Variants in CEP128 observed in about 807,000 individuals in gnomAD.
CEP128 encodes centrosomal protein 128.
In CEP128, 132 loss-of-function variants were observed where a neutral mutation model predicts 156.7. The ratio of observed to expected loss-of-function variants is 0.84; its 90% CI spans 0.73 to 0.97. The LOEUF (loss-of-function observed/expected upper bound fraction) is 0.97. CEP128 is among the 50% of genes least tolerant of loss of function. The pLI, the probability that CEP128 is intolerant of heterozygous loss-of-function variation, is 0.00. For missense variants in CEP128, 1,252 were observed against 1,281.9 expected, an observed-to-expected ratio of 0.98 and a Z score of 0.36; for synonymous variants, 469 against 448.9, an observed-to-expected ratio of 1.04 and a Z score of -0.57.
chr14:80,792,384 G>A (rs1250408552), intron 14 of CEP128, among the ~76,000 whole-genome samples: 3 of 152,026 alleles, frequency 2.0e-5, no homozygotes, highest in African/African-American at 7.2e-5. Flanking sequence ...ATAAATAAAT[G>A]AGATTTTAAA....
chr14:80,838,769 T>G (rs1262890496), intron 10 of CEP128, among the ~76,000 whole-genome samples: 1 of 152,188 alleles, frequency 6.6e-6, no homozygotes, highest in Non-Finnish European at 1.5e-5. Context: ...TTCCTAATAT[T>G]TCTAATATTT....
chr14:80,945,565 C>T (rs752140550), upstream of CEP128: 4 of 152,194 alleles, frequency 2.6e-5, no homozygotes, highest in Non-Finnish European at 5.9e-5. Flanking sequence ...CTACCTGTCT[C>T]ACCATGGCTG....
At chr14:80,794,095 T>G (rs1482364739) in intron 13 of CEP128, among the ~76,000 whole-genome samples, 1 of 152,160 alleles carries the variant, frequency 6.6e-6, no homozygotes, top group Non-Finnish European at 1.5e-5. Flanking sequence ...AAAGGTCATG[T>G]GTCCGAATAA....
intron 19 of CEP128, among the ~76,000 whole-genome samples, chr14:80,684,275 C>T (rs899254304): frequency 5.9e-5 from 9 of 152,012 alleles, no homozygotes; most frequent in Non-Finnish European, 1.0e-4. Flanking sequence ...TACAGCCATT[C>T]TCACAGAAAT....
upstream of CEP128, among the ~76,000 whole-genome samples, chr14:80,945,011 C>A (rs191582732): frequency 6.6e-6 from 1 of 152,000 alleles, no homozygotes; most frequent in Non-Finnish European, 1.5e-5. Context: ...CAGATAGGGG[C>A]ACACAGAGGT....
At chr14:80,618,490 A>G (rs1349073896) in intron 19 of CEP128, among the ~76,000 whole-genome samples, 22 of 152,236 alleles carry the variant, frequency 1.4e-4, no homozygotes, top group Admixed American at 1.4e-3. Flanking sequence ...AAACAAATAC[A>G]TAGTTGAATT....
intron 19 of CEP128, among the ~76,000 whole-genome samples, chr14:80,715,148 G>A (rs981950641): frequency 6.6e-6 from 1 of 151,932 alleles, no homozygotes; most frequent in South Asian, 2.1e-4. Flanking sequence ...ACCTGAGCCT[G>A]TCAGGTCAAG....
chr14:80,515,756 G>C (rs1320467301), intron 23 of CEP128, among the ~76,000 whole-genome samples: 1 of 152,170 alleles, frequency 6.6e-6, no homozygotes, highest in Non-Finnish European at 1.5e-5. Flanking sequence ...TCCTCAAGCA[G>C]GAAAAGTCTT....
At chr14:80,521,659 G>GT (rs1317019309) in intron 23 of CEP128, among the ~76,000 whole-genome samples, 7 of 152,198 alleles carry the variant, frequency 4.6e-5, no homozygotes, top group Non-Finnish European at 1.0e-4. Flanking sequence ...AATGTGTCAT[G>GT]TAAGCATTAC....
At chr14:80,537,182 T>A (rs191071718) in intron 21 of CEP128, among the ~76,000 whole-genome samples, 67 of 152,316 alleles carry the variant, frequency 4.4e-4, no homozygotes, top group African/African-American at 1.5e-3. Flanking sequence ...TATTTTTTTT[T>A]AAGAGAGGAA....
chr14:80,625,800 T>A (rs1893689853), intron 19 of CEP128, among the ~76,000 whole-genome samples: 1 of 151,868 alleles, frequency 6.6e-6, no homozygotes, highest in Non-Finnish European at 1.5e-5. Flanking sequence ...TTCCTCTTTT[T>A]CTTTTTTCTT....
In CEP128 at chr14:80,491,414, G is replaced by C. The variant is rs137960886; in HGVS notation, c.*11-692C>G. On this transcript the variant is annotated intron_variant, in intron 6 of 6. Coordinates refer to the CEP128 transcript ENST00000556061. Reference sequence around the variant, plus strand: ...TGCATCTATTTTACTCAGGCCAGAGGGGGGGAAAAAGAAAGAAAGAAAAAG... The same window carrying C: ...TGCATCTATTTTACTCAGGCCAGAGCGGGGGAAAAAGAAAGAAAGAAAAAG... Among the ~76,000 whole-genome samples the C allele has an allele frequency of 5.0e-3, 755 of 152,176 alleles. 5 individuals carry two copies. The highest frequency in any genetic ancestry group is 0.016 in the African/African-American group (660 of 41,526).
In CEP128 at chr14:80,642,089, C is replaced by CAAAAAAAA. The variant is rs71103870; in HGVS notation, c.2807-61674_2807-61667dup. Among the ~76,000 whole-genome samples the CAAAAAAAA allele has an allele frequency of 1.6e-4, 15 of 91,512 alleles. 2 individuals are homozygous for CAAAAAAAA. The highest frequency in any genetic ancestry group is 7.7e-4 in the South Asian group (2 of 2,608). 60.0% of individuals were successfully genotyped at this position (91,512 alleles called of 152,430 possible). A position where few individuals can be genotyped will look rare whatever the true frequency, so the allele number is the denominator to read the frequency against. ...TGGGCGACAGAGTGAGACTCCGTTT[C>CAAAAAAAA]AAAAAAAAAAAAGAAGAGAGAGACA... On this transcript the variant is annotated intron_variant, in intron 19 of 24. Transcript: ENST00000555265.
rs117743967 is a variant in CEP128 at position 80,767,765 on chromosome 14, T to C, written c.2377-6152A>G. On this transcript the variant is annotated intron_variant, in intron 16 of 24. Coordinates refer to ENST00000555265, the MANE Select transcript of CEP128 (RefSeq NM_152446.5). The stretch of plus-strand genomic sequence containing the variant: ...GCATGTGAGAGCCTTAGTAAAACAA[T>C]AGAGCTAATAGAAAAAAGGAATGGC... Among the ~76,000 whole-genome samples, 1,237 of 152,212 alleles carry C rather than the reference T, an allele frequency of 8.1e-3. 10 individuals are homozygous for C. Among genetic ancestry groups the C allele is most frequent in the Non-Finnish European group, 0.01 (687 of 67,950 alleles).
Position 80,785,152 on chromosome 14 carries a change from C to T in CEP128, c.1954G>A (p.Ala652Thr). 6.2e-6 allele frequency: 10 copies of T among 1,614,142 alleles called. No individual in the cohort carries two copies. Among genetic ancestry groups the T allele is most frequent in the Non-Finnish European group, 8.5e-6 (10 of 1,180,000 alleles). Residue 652 changes from alanine (A) to threonine (T), a missense_variant, in exon 15 of 25, where the codon GCT becomes ACT. Transcript: ENST00000555265. ...GCTTTCTTGGCTCTCTCTTCCTCAG[C>T]CAATTTATTAGCAAGATCTGCTCGG... Reference protein sequence around the residue: ...AIRADLANKLAEEERAKKAVL... With the variant: ...AIRADLANKLTEEERAKKAVL...
intron 9 of CEP128, among the ~76,000 whole-genome samples, chr14:80,842,325 A>G (rs545040531): frequency 2.6e-5 from 4 of 152,150 alleles, no homozygotes; most frequent in South Asian, 2.1e-4. Flanking sequence ...TTTCCACTAT[A>G]TCATCTAGAA....
At chr14:80,764,391 C>T (rs897153986) in intron 16 of CEP128, among the ~76,000 whole-genome samples, 2 of 151,030 alleles carry the variant, frequency 1.3e-5, no homozygotes, top group Non-Finnish European at 2.9e-5. Context: ...CCCAGCTACT[C>T]GGGAGGCTGA....
chr14:80,667,058 G>A (rs893182712), intron 19 of CEP128, among the ~76,000 whole-genome samples: 10 of 152,186 alleles, frequency 6.6e-5, no homozygotes, highest in African/African-American at 2.4e-4. Flanking sequence ...GACCTCCAAA[G>A]ATGAGCATGG....
intron 19 of CEP128, among the ~76,000 whole-genome samples, chr14:80,613,431 T>G (rs1006158016): frequency 6.7e-6 from 1 of 149,136 alleles, no homozygotes; most frequent in Non-Finnish European, 1.5e-5. Flanking sequence ...GCCTCTCGAG[T>G]AATTGGGACT....
Sources: gnomAD v4.1 joint callset for allele counts (sites outside exome capture counted in the v4.1 genomes callset) on GRCh38, gnomAD v4.1.1 for gene constraint, MANE v1.5 for transcripts, NCBI Gene and HGNC (gene_info 2026-07-23, HGNC 2026-07-21) for gene names.